PTDSS2: variants seen among roughly 807,000 people sequenced by gnomAD.
PTDSS2 encodes the protein phosphatidylserine synthase 2.
A neutral mutation model predicts 64.7 loss-of-function variants in PTDSS2; 41 were observed. That is an observed-to-expected ratio of 0.63 (90% CI 0.49 to 0.82). The LOEUF is 0.82. Among genes scored for constraint, PTDSS2 ranks in the 40% least tolerant of loss-of-function variants. The probability of loss-of-function intolerance (pLI) is 0.00; values close to 1 mark genes in which losing one functional copy is unlikely to be tolerated. For synonymous variants in PTDSS2, 297 were observed against 277.8 expected (o/e 1.07, Z -0.69); for missense variants, 485 against 650.0 (o/e 0.75, Z 2.76).
At chr11:466,300 A>G (rs1196598981) in intron 2 of PTDSS2, among the ~76,000 whole-genome samples, 1 of 152,162 alleles carries the variant, frequency 6.6e-6, no homozygotes, top group African/African-American at 2.4e-5. Context: ...GGGAGGCCTC[A>G]GGAAACGTAC....
chr11:474,996 TATTCACGAGTTTGTGTGATAC>T (rs1346188429), intron 3 of PTDSS2, among the ~76,000 whole-genome samples: 4 of 95,422 alleles, frequency 4.2e-5, no homozygotes, highest in African/African-American at 9.4e-5. Flanking sequence ...GATACGGACA[TATTCACGAGTTTGTGTGATAC>T]GGACATATTC....
intron 1 of PTDSS2, chr11:459,243 G>T: frequency 9.8e-5 from 1 of 10,206 alleles, no homozygotes; most frequent in South Asian, 4.8e-3. Context: ...TCGGACCTGG[G>T]TTAGACGTGA....
At position 460,068 on chromosome 11, in the gene PTDSS2, G is replaced by A. The variant is rs1846804676; in HGVS notation, c.183-119G>A. The stretch of plus-strand genomic sequence containing the variant: ...ACTCGCAGCCAGTTGCTGGTTGGGA[G>A]TTGGAGAGTGGAGTTTAAGCCCTCT... On this transcript the variant is annotated intron_variant, in intron 1 of 11. Coordinates refer to ENST00000308020, the MANE Select transcript of PTDSS2 (RefSeq NM_030783.3). The surrounding 1 kb of genome is among the most constrained non-coding windows in gnomAD (Gnocchi z 5.8). 1 of 746,126 alleles carries A rather than the reference G, an allele frequency of 1.3e-6. No individual in the cohort carries two copies. Among genetic ancestry groups the A allele is most frequent in the Non-Finnish European group, 2.3e-6 (1 of 432,396 alleles). The allele number at this position is 746,126 out of a possible 1,614,324, so 46.2% of individuals were successfully genotyped here.
intron 4 of PTDSS2, among the ~76,000 whole-genome samples, chr11:481,083 CAAA>C (rs749112324): frequency 1.8e-5 from 2 of 109,302 alleles, no homozygotes. Context: ...GACTCCGCCT[CAAA>C]AAAAAAAAAA....
chr11:486,301 G>A (rs1238799745), intron 4 of PTDSS2, among the ~76,000 whole-genome samples: 1 of 152,186 alleles, frequency 6.6e-6, no homozygotes, highest in African/African-American at 2.4e-5. Flanking sequence ...GGAGGGGTCG[G>A]GGTGGGGGCG....
At chr11:467,246 A>G (rs998702401) in intron 2 of PTDSS2, among the ~76,000 whole-genome samples, 1 of 152,184 alleles carries the variant, frequency 6.6e-6, no homozygotes, top group African/African-American at 2.4e-5. Context: ...CAGGGAAGTT[A>G]TTCAGACGGG....
chr11:471,314 C>T (rs1016181826), intron 2 of PTDSS2, among the ~76,000 whole-genome samples: 4 of 152,178 alleles, frequency 2.6e-5, no homozygotes, highest in African/African-American at 7.2e-5. Context: ...AGGCTGGTCT[C>T]GAACTCCTGA....
Position 470,121 on chromosome 11 carries a change from C to T in PTDSS2, c.285-3774C>T, listed in dbSNP as rs896762942. ...GCTCCCGGCACCGCTGTGCGCTGCG[C>T]GTGGTGACCTGACCTCCTTCCTGGG... On this transcript the variant is annotated intron_variant, in intron 2 of 11. Transcript: ENST00000308020. The surrounding 1 kb of genome is among the most constrained non-coding windows in gnomAD (Gnocchi z 5.3). 6.6e-6 allele frequency among the ~76,000 whole-genome samples: 1 copy of T among 152,174 alleles called. No individual in the cohort carries two copies. Among genetic ancestry groups the T allele is most frequent in the Non-Finnish European group, 1.5e-5 (1 of 68,028 alleles).
chr11:488,672 AG>A, intron 8 of PTDSS2, 25 bp downstream of exon 8: 1 of 1,429,664 alleles, frequency 7.0e-7, no homozygotes, highest in African/African-American at 1.4e-5. Context: ...CTGCGAGGGC[AG>A]GGCCGGGTGG....
intron 2 of PTDSS2, among the ~76,000 whole-genome samples, chr11:467,077 C>G (rs1441104567): frequency 6.6e-6 from 1 of 151,938 alleles, no homozygotes; most frequent in Non-Finnish European, 1.5e-5. Flanking sequence ...CTGGGTGACA[C>G]CCACTCGGAA....
intron 5 of PTDSS2, 72 bp downstream of exon 5, chr11:487,145 G>A (rs781427545): frequency 6.0e-5 from 85 of 1,415,054 alleles, no homozygotes; most frequent in Non-Finnish European, 6.9e-5. Context: ...CGCCATCCAC[G>A]CTCCTGCCTC....
intron 2 of PTDSS2, among the ~76,000 whole-genome samples, chr11:468,190 A>G (rs921620215): frequency 2.4e-4 from 37 of 152,354 alleles, no homozygotes; most frequent in African/African-American, 7.7e-4. Flanking sequence ...ACATGTTTCT[A>G]TAAATACACA....
chr11:470,048 G>A lies in PTDSS2; in HGVS notation c.285-3847G>A, dbSNP rs1847347490. On this transcript the variant is annotated intron_variant, in intron 2 of 11. Coordinates refer to ENST00000308020, the MANE Select transcript of PTDSS2 (RefSeq NM_030783.3). This position sits in a 1 kb window ranked among gnomAD's most constrained non-coding sequence, Gnocchi z 5.3. ...AACAAGACCAACCTTCCCTGCAGAA[G>A]GTTTTCAGTAAATGAGGTAGATCCC... 6.6e-6 allele frequency among the ~76,000 whole-genome samples: 1 copy of A among 152,234 alleles called. No homozygotes were observed. The highest frequency in any genetic ancestry group is 2.4e-5 in the African/African-American group (1 of 41,466).
At chr11:449,045 G>A (rs1279204240), upstream of PTDSS2, among the ~76,000 whole-genome samples, 37 of 150,558 alleles carry the variant, frequency 2.5e-4, no homozygotes, top group Non-Finnish European at 4.4e-5. Flanking sequence ...GTAGTCTCCT[G>A]TGACTGGCTT....
Position 470,493 on chromosome 11 carries a change from C to T in PTDSS2, c.285-3402C>T, listed in dbSNP as rs1270400908. ...GCTTCCAGGAAGAGATTGTTGGGGGCGGGGCAGGGGGAAGGACATCAGGGG... is the reference window on the plus strand; with the variant it reads ...GCTTCCAGGAAGAGATTGTTGGGGGTGGGGCAGGGGGAAGGACATCAGGGG... On this transcript the variant is annotated intron_variant, in intron 2 of 11. Transcript: ENST00000308020. The surrounding 1 kb of genome is among the most constrained non-coding windows in gnomAD (Gnocchi z 5.3). Among the ~76,000 whole-genome samples the T allele has an allele frequency of 6.6e-6, 1 of 151,942 alleles. No homozygotes were observed. The highest frequency in any genetic ancestry group is 1.5e-5 in the Non-Finnish European group (1 of 67,994).
chr11:453,676 G>A (rs1564957623), intron 1 of PTDSS2, among the ~76,000 whole-genome samples: 1 of 152,244 alleles, frequency 6.6e-6, no homozygotes, highest in Non-Finnish European at 1.5e-5. Flanking sequence ...GTCAGAGCCA[G>A]AAGGGCCAGT....
Position 489,925 on chromosome 11 carries a change from G to T in PTDSS2, c.1158G>T (p.Ala386=). The part of the protein sequence containing the change: ...KKLGPQAWLV[A]AITATELLIV... ...TGGGCCCGCAGGCCTGGCTGGTGGC[G>T]GCCATCACGGCCACGGAGCTGCTCA... The change falls in exon 11 of 12, where the codon GCG becomes GCT. Residue 386 remains alanine, a synonymous_variant. Transcript: ENST00000308020. 1 of 1,604,432 alleles carries T rather than the reference G, an allele frequency of 6.2e-7. No individual in the cohort carries two copies. The highest frequency in any genetic ancestry group is 8.5e-7 in the Non-Finnish European group (1 of 1,177,598).
In PTDSS2 at chr11:460,790, C is replaced by T. The variant is rs1448184330; in HGVS notation, c.284+502C>T. 6.4e-6 allele frequency: 1 copy of T among 155,310 alleles called. No homozygotes were observed. The highest frequency in any genetic ancestry group is 2.4e-5 in the African/African-American group (1 of 41,516). 9.6% of individuals were successfully genotyped at this position (155,310 alleles called of 1,614,324 possible). On this transcript the variant is annotated intron_variant, in intron 2 of 11. Transcript: ENST00000308020. The surrounding 1 kb of genome is among the most constrained non-coding windows in gnomAD (Gnocchi z 5.8). Reference sequence around the variant, plus strand: ...ATCTCCACAGGCAGGCAGGCTAGACCTTGGGTGTGTCCTCTGCCTGAATTC... The same window carrying T: ...ATCTCCACAGGCAGGCAGGCTAGACTTTGGGTGTGTCCTCTGCCTGAATTC...
intron 1 of PTDSS2, 79 bp downstream of exon 1, chr11:450,716 C>A: frequency 8.7e-7 from 1 of 1,151,698 alleles, no homozygotes; most frequent in Admixed American, 4.3e-5. Context: ...TGGGGGTCCC[C>A]GGCAGCGCCC....
Sources: allele counts gnomAD v4.1 joint callset (sites outside exome capture counted in the v4.1 genomes callset), GRCh38; gene constraint gnomAD v4.1.1; non-coding constraint Gnocchi (gnomAD v3.1); transcripts MANE v1.5; gene names NCBI Gene and HGNC (gene_info 2026-07-23, HGNC 2026-07-21).